SULT4A1: variants seen among roughly 807,000 people sequenced by gnomAD.
SULT4A1 encodes sulfotransferase family 4A member 1.
A neutral mutation model predicts 35.2 loss-of-function variants in SULT4A1; 11 were observed. The observed-to-expected ratio is 0.31, with a 90% CI of 0.20 to 0.52. The LOEUF (loss-of-function observed/expected upper bound fraction) is 0.52, where lower values mean the gene tolerates loss of function less well. SULT4A1 is among the 20% of genes least tolerant of loss of function. The probability of loss-of-function intolerance (pLI) is 0.97; values close to 1 mark genes in which losing one functional copy is unlikely to be tolerated. For synonymous variants in SULT4A1, 152 were observed against 151.8 expected, an observed-to-expected ratio of 1.00 and a Z score of -0.01; for missense variants, 271 against 383.7, an observed-to-expected ratio of 0.71 and a Z score of 2.45.
rs199511302 is a variant in SULT4A1 at position 43,838,912 on chromosome 22, G to A, written c.463C>T (p.Arg155Ter). The change falls in exon 4 of 7, where the codon CGA becomes TGA. Residue 155 changes from arginine (R) to a stop codon, truncating the protein, a stop_gained. Transcript: ENST00000330884. LOFTEE classifies it high-confidence loss of function. Reference sequence around the variant, plus strand: ...CGGCAGAATTCTTGAAAGGTGCCTCGGTAGCTCATGGTCCGCAGAGAGCGG... The same window carrying A: ...CGGCAGAATTCTTGAAAGGTGCCTCAGTAGCTCATGGTCCGCAGAGAGCGG... ...FHRSLRTMSY[R>*]GTFQEFCRRF... The A allele has an allele frequency of 3.1e-6, 5 of 1,614,190 alleles. No homozygotes were observed. Among genetic ancestry groups the A allele is most frequent in the Non-Finnish European group, 3.4e-6 (4 of 1,180,014 alleles).
At position 43,836,541 on chromosome 22, in the gene SULT4A1, G is replaced by A. The variant is rs181931795; in HGVS notation, c.508+2326C>T. On this transcript the variant is annotated intron_variant, in intron 4 of 6. Coordinates refer to ENST00000330884, the MANE Select transcript of SULT4A1 (RefSeq NM_014351.4). ...TACACAGCGTCCTCACACTGCAGGT[G>A]CCACAGGGATCCTGTCTACACAGCG... Among the ~76,000 whole-genome samples the A allele has an allele frequency of 2.8e-4, 37 of 131,522 alleles. 1 individual carries two copies. The Middle Eastern group carries it at 0.012, about 42-fold the overall frequency. 86.3% of individuals were successfully genotyped at this position (131,522 alleles called of 152,430 possible).
Position 43,862,393 on chromosome 22 carries a change from T to TCGCCGTCGCCGC in SULT4A1, c.-23_-12dup. 3 of 1,274,562 alleles carry TCGCCGTCGCCGC rather than the reference T, an allele frequency of 2.4e-6. No individual in the cohort carries two copies. Among genetic ancestry groups the TCGCCGTCGCCGC allele is most frequent in the Non-Finnish European group, 3.0e-6 (3 of 990,786 alleles). 79.0% of individuals were successfully genotyped at this position (1,274,562 alleles called of 1,614,324 possible). A position where few individuals can be genotyped will look rare whatever the true frequency, so the allele number is the denominator to read the frequency against. ...CTCGCTCTCCGCCATGCCGCCGCCG[T>TCGCCGTCGCCGC]CGCCGTCGCCGCCGCCGCCTCCCGG... On this transcript the variant is annotated 5_prime_UTR_variant, in exon 1 of 7. Transcript: ENST00000330884.
intron 1 of SULT4A1, among the ~76,000 whole-genome samples, chr22:43,859,035 G>T (rs1311667354): frequency 6.6e-6 from 1 of 152,014 alleles, no homozygotes; most frequent in Non-Finnish European, 1.5e-5. Flanking sequence ...TCAGTGTTAG[G>T]ATTCTGGCTT....
At chr22:43,854,610 C>T (rs573746334) in intron 1 of SULT4A1, among the ~76,000 whole-genome samples, 1 of 152,332 alleles carries the variant, frequency 6.6e-6, no homozygotes, top group South Asian at 2.1e-4. Flanking sequence ...CAAGCACCTG[C>T]ACCTGCTTCC....
intron 1 of SULT4A1, among the ~76,000 whole-genome samples, chr22:43,847,130 A>C (rs1341783901): frequency 6.6e-6 from 1 of 151,788 alleles, no homozygotes; most frequent in Non-Finnish European, 1.5e-5. Flanking sequence ...ACACCTCCTG[A>C]CCTTACGTTT....
chr22:43,850,697 C>T (rs1439435976), intron 1 of SULT4A1, among the ~76,000 whole-genome samples: 2 of 152,184 alleles, frequency 1.3e-5, no homozygotes, highest in Non-Finnish European at 2.9e-5. Context: ...CCTTTCTCCA[C>T]GTCCCCTGAC....
At chr22:43,849,509 C>T (rs139284661) in intron 1 of SULT4A1, among the ~76,000 whole-genome samples, 189 of 152,244 alleles carry the variant, frequency 1.2e-3, no homozygotes, top group Middle Eastern at 6.8e-3. Context: ...TCAGAGACTA[C>T]GGTTGGACAT....
chr22:43,846,309 T>C (rs1004930401), intron 1 of SULT4A1, among the ~76,000 whole-genome samples: 12 of 152,238 alleles, frequency 7.9e-5, no homozygotes, highest in African/African-American at 2.7e-4. Flanking sequence ...CGCCCTGTCA[T>C]GCGATTCCAA....
At chr22:43,847,989 A>T (rs2063487395) in intron 1 of SULT4A1, among the ~76,000 whole-genome samples, 1 of 152,188 alleles carries the variant, frequency 6.6e-6, no homozygotes, top group African/African-American at 2.4e-5. Flanking sequence ...CTGGAGACTG[A>T]GGGAGAATCC....
chr22:43,854,733 C>T (rs1396715242), intron 1 of SULT4A1, among the ~76,000 whole-genome samples: 1 of 152,166 alleles, frequency 6.6e-6, no homozygotes, highest in Non-Finnish European at 1.5e-5. Flanking sequence ...AAAGAAGGCT[C>T]CTGGCTGTGT....
intron 1 of SULT4A1, among the ~76,000 whole-genome samples, chr22:43,856,090 A>T (rs138100): frequency 6.6e-6 from 1 of 152,100 alleles, no homozygotes; most frequent in Non-Finnish European, 1.5e-5. Flanking sequence ...CTCCAGACCT[A>T]GGCCAGGTGC....
rs562355608 is a variant in SULT4A1, at chr22:43,845,030, C to T, written c.170-3098G>A. Among the ~76,000 whole-genome samples, 37 of 152,226 alleles carry T rather than the reference C, an allele frequency of 2.4e-4. 1 individual carries two copies. In the South Asian group the frequency reaches 7.5e-3, roughly 31 times the overall value. On this transcript the variant is annotated intron_variant, in intron 1 of 6. Transcript: ENST00000330884. ...CAAAGGTAACTCCCAGGGAGAAAGG[C>T]GGCCCTCTGCGCCTTCTCCAGCCTC...
chr22:43,861,585 T>C (rs1412621740), intron 1 of SULT4A1, among the ~76,000 whole-genome samples: 2 of 152,192 alleles, frequency 1.3e-5, no homozygotes, highest in Non-Finnish European at 2.9e-5. Context: ...ACAGCTGTTA[T>C]TGTGAAAGTG....
chr22:43,839,967 T>G lies in SULT4A1; in HGVS notation c.359A>C (p.Asp120Ala). Residue 120 changes from aspartate (D) to alanine (A), a missense_variant, in exon 3 of 7, where the codon GAC becomes GCC. Physicochemically the swap from Asp to Ala is moderately radical, Grantham distance 126. Around this residue, in one of 3 missense-constraint regions of SULT4A1, gnomAD observed 164 missense variants for 254.1 expected, o/e 0.65. Transcript: ENST00000330884. ...SHLPYRFLPS[D>A]LHNGDSKVIY... The stretch of plus-strand genomic sequence containing the variant: ...TACCTTGGAGTCTCCATTGTGGAGG[T>G]CAGAGGGCAGAAAGCGGTAGGGCAG... The G allele has an allele frequency of 6.2e-7, 1 of 1,608,904 alleles. No individual in the cohort carries two copies. Among genetic ancestry groups the G allele is most frequent in the Non-Finnish European group, 8.5e-7 (1 of 1,178,238 alleles).
chr22:43,838,815 CACG>C, intron 4 of SULT4A1, 49 bp downstream of exon 4: 3 of 1,609,024 alleles, frequency 1.9e-6, no homozygotes, highest in Non-Finnish European at 2.5e-6. Context: ...CCAGGCCGTC[CACG>C]ACAACAGACG....
In SULT4A1 at chr22:43,862,391, C is replaced by G. The variant is rs757020848; in HGVS notation, c.-9G>C. ...GCCTCGCTCTCCGCCATGCCGCCGC[C>G]GTCGCCGTCGCCGCCGCCGCCTCCC... On this transcript the variant is annotated 5_prime_UTR_variant, in exon 1 of 7. Transcript: ENST00000330884. The G allele has an allele frequency of 1.6e-6, 2 of 1,277,842 alleles. No homozygotes were observed. The highest frequency in any genetic ancestry group is 2.7e-5 in the Admixed American group (1 of 36,886). The allele number at this position is 1,277,842 out of a possible 1,614,324, so 79.2% of individuals were successfully genotyped here.
chr22:43,836,383 C>G (rs141948865), intron 4 of SULT4A1, among the ~76,000 whole-genome samples: 1,360 of 123,686 alleles, frequency 0.011, 14 homozygotes, highest in African/African-American at 0.013. Flanking sequence ...GCCACAGGGA[C>G]CCTGTCTACA....
intron 5 of SULT4A1, among the ~76,000 whole-genome samples, chr22:43,832,447 G>C (rs142340080): frequency 1.3e-3 from 193 of 152,288 alleles, no homozygotes; most frequent in Non-Finnish European, 2.1e-3. Flanking sequence ...CATCGAGCAA[G>C]CCCCGAAAGG....
rs1032828027 is a variant in SULT4A1 at position 43,851,310 on chromosome 22, G to C, written c.170-9378C>G. Among the ~76,000 whole-genome samples, 102 of 152,112 alleles carry C rather than the reference G, an allele frequency of 6.7e-4. 2 individuals carry two copies. Among genetic ancestry groups the C allele is most frequent in the Non-Finnish European group, 1.5e-5 (1 of 68,016 alleles). ...AGGATACTGCAAAGACTTATGAGTG[G>C]AGGTGGTGTTATTCTGGGTTTTTAG... is the stretch of plus-strand genomic sequence containing the variant. On this transcript the variant is annotated intron_variant, in intron 1 of 6. Transcript: ENST00000330884.
Sources: allele counts gnomAD v4.1 joint callset (sites outside exome capture counted in the v4.1 genomes callset), GRCh38; gene constraint gnomAD v4.1.1; regional missense constraint gnomAD v4.1.1; transcripts MANE v1.5; gene names NCBI Gene and HGNC (gene_info 2026-07-23, HGNC 2026-07-21).